Variants in C21orf58 observed in about 807,000 individuals in gnomAD.
C21orf58 encodes chromosome 21 open reading frame 58, also known as uncharacterized protein C21orf58.
C21orf58 carries 34 observed loss-of-function variants against 35.8 expected under a neutral mutation model. The observed-to-expected ratio is 0.95, with a 90% CI of 0.72 to 1.26. C21orf58 has a LOEUF of 1.26. C21orf58 is among the 50% of genes most tolerant of loss of function. The pLI is 0.00. For synonymous variants in C21orf58, 191 were observed against 175.8 expected (o/e 1.09, Z -0.68); for missense variants, 440 against 414.3 (o/e 1.06, Z -0.54).
chr21:46,310,820 T>C (rs1366580686), intron 6 of C21orf58, among the ~76,000 whole-genome samples: 1 of 151,158 alleles, frequency 6.6e-6, no homozygotes, highest in Non-Finnish European at 1.5e-5. Flanking sequence ...TCTCTCTCTC[T>C]AAATAAATAA....
chr21:46,321,046 G>T (rs2083137822), intron 1 of C21orf58, among the ~76,000 whole-genome samples: 1 of 151,944 alleles, frequency 6.6e-6, no homozygotes, highest in African/African-American at 2.4e-5. Context: ...TTTTTAAATA[G>T]GGTTTTTAAG....
At chr21:46,315,419 G>A in intron 4 of C21orf58, 55 bp downstream of exon 4, 1 of 1,098,326 alleles carries the variant, frequency 9.1e-7, no homozygotes, top group Non-Finnish European at 1.4e-6. Flanking sequence ...AGGCTGAGCA[G>A]CTATCTCTGC....
intron 1 of C21orf58, among the ~76,000 whole-genome samples, chr21:46,320,998 A>G (rs768384525): frequency 7.2e-5 from 11 of 152,198 alleles, no homozygotes; most frequent in Admixed American, 2.0e-4. Context: ...AGTAGTATAC[A>G]TAACATGCTC....
At chr21:46,312,480 G>A (rs775308243) in intron 5 of C21orf58, among the ~76,000 whole-genome samples, 6 of 152,106 alleles carry the variant, frequency 3.9e-5, no homozygotes, top group Admixed American at 6.5e-5. Context: ...CACCACGCCC[G>A]GCTAATTTTT....
chr21:46,313,094 A>G, intron 5 of C21orf58: 4 of 978,758 alleles, frequency 4.1e-6, no homozygotes, highest in Non-Finnish European at 4.9e-6. Context: ...GCCAAGAGCT[A>G]CATCGTAAAC....
intron 6 of C21orf58, among the ~76,000 whole-genome samples, chr21:46,305,187 G>C (rs899778166): frequency 6.6e-6 from 1 of 152,130 alleles, no homozygotes; most frequent in Non-Finnish European, 1.5e-5. Flanking sequence ...GACGTAGTCC[G>C]ACGGGTGGAG....
Position 46,318,006 on chromosome 21 carries a change from C to T in C21orf58, c.309+6G>A. 1 of 1,613,122 alleles carries T rather than the reference C, an allele frequency of 6.2e-7. No individual in the cohort carries two copies. The highest frequency in any genetic ancestry group is 8.5e-7 in the Non-Finnish European group (1 of 1,179,880). On this transcript the variant is annotated splice_donor_region_variant and intron_variant, in intron 2 of 7. Coordinates refer to ENST00000291691, the MANE Select transcript of C21orf58 (RefSeq NM_058180.5). ...AAAAACAGGAGCATCCCGGGCTCTG[C>T]CTCACCTGTCCCAAGAGCTTCAGCG...
chr21:46,306,690 T>A (rs1462760892), intron 6 of C21orf58, among the ~76,000 whole-genome samples: 1 of 150,024 alleles, frequency 6.7e-6, no homozygotes, highest in Non-Finnish European at 1.5e-5. Context: ...TGGGTTCAAG[T>A]GATCCTTCCA....
At position 46,314,793 on chromosome 21, in the gene C21orf58, G is replaced by T; in HGVS notation, c.532C>A (p.Leu178Met). The stretch of plus-strand genomic sequence containing the variant: ...GTGGGTAGGATGCCCGTGGGGGGCA[G>T]CTCTGGGGGCAGGGCTGACCCGAGG... The part of the protein sequence containing the change: ...GALGSALPPE[L>M]PPTGILPTAS... The change falls in exon 5 of 8, where the codon CTG (leucine) becomes ATG (methionine). Residue 178 changes from leucine to methionine, a missense_variant. Physicochemically the swap from Leu to Met is conservative, Grantham distance 15. Coordinates refer to ENST00000291691, the MANE Select transcript of C21orf58 (RefSeq NM_058180.5). 1 of 1,538,832 alleles carries T rather than the reference G, an allele frequency of 6.5e-7. No homozygotes were observed. Among genetic ancestry groups the T allele is most frequent in the Non-Finnish European group, 8.8e-7 (1 of 1,138,810 alleles).
chr21:46,301,707 C>A lies in C21orf58; in HGVS notation c.*292G>T, dbSNP rs1018842211. 7 of 1,175,422 alleles carry A rather than the reference C, an allele frequency of 6.0e-6. No homozygotes were observed. The highest frequency in any genetic ancestry group is 7.4e-6 in the Non-Finnish European group (7 of 952,138). 72.8% of individuals were successfully genotyped at this position (1,175,422 alleles called of 1,614,324 possible). A position where few individuals can be genotyped will look rare whatever the true frequency, so the allele number is the denominator to read the frequency against. ...GATCTGAGGCTCCCAGGTGGGCCGG[C>A]GCCGCCCTACAGGAAAGGAGGGGTC... On this transcript the variant is annotated 3_prime_UTR_variant, in exon 8 of 8. Transcript: ENST00000291691.
At chr21:46,317,409 G>A in intron 2 of C21orf58, 141 bp from the exon 3 acceptor site, 1 of 1,443,936 alleles carries the variant, frequency 6.9e-7, no homozygotes, top group Non-Finnish European at 9.3e-7. Context: ...ACAGGCGGGA[G>A]TCAAGCCCCT....
chr21:46,322,831 G>C lies in C21orf58; in HGVS notation c.-93C>G. ...CAGGGCTTCCTGAGGGCGCGTTTAA[G>C]TTGCAGTTGCTGAGGAGGCTGCAAG... On this transcript the variant is annotated 5_prime_UTR_variant, in exon 1 of 8. Coordinates refer to ENST00000291691, the MANE Select transcript of C21orf58 (RefSeq NM_058180.5). 4 of 869,018 alleles carry C rather than the reference G, an allele frequency of 4.6e-6. No homozygotes were observed. Among genetic ancestry groups the C allele is most frequent in the Non-Finnish European group, 4.9e-6 (3 of 609,938 alleles). 53.8% of individuals were successfully genotyped at this position (869,018 alleles called of 1,614,324 possible).
intron 4 of C21orf58, 62 bp from the exon 5 acceptor site, chr21:46,314,942 C>T: frequency 6.5e-7 from 1 of 1,550,262 alleles, no homozygotes; most frequent in Non-Finnish European, 8.7e-7. Context: ...CACAGAGGCA[C>T]CCCCAGCATC....
intron 6 of C21orf58, among the ~76,000 whole-genome samples, chr21:46,310,444 A>G (rs1214541044): frequency 6.6e-6 from 1 of 150,958 alleles, no homozygotes; most frequent in Admixed American, 6.6e-5. Flanking sequence ...GCGCCATTGC[A>G]CTCCTATCTG....
intron 1 of C21orf58, among the ~76,000 whole-genome samples, chr21:46,322,073 G>C (rs2083179237): frequency 6.6e-6 from 1 of 152,024 alleles, no homozygotes; most frequent in South Asian, 2.1e-4. Context: ...TGGATCACTT[G>C]AGCCCAGGAG....
rs770826515 is a variant in C21orf58 at position 46,322,630 on chromosome 21, C to T, written c.100+9G>A. The T allele has an allele frequency of 3.3e-6, 5 of 1,525,526 alleles. No homozygotes were observed. In the Admixed American group the frequency reaches 6.4e-5, roughly 19 times the overall value. 94.5% of individuals were successfully genotyped at this position (1,525,526 alleles called of 1,614,324 possible). The stretch of plus-strand genomic sequence containing the variant: ...TGGGAACCAGGAGACCGCTGGACAC[C>T]CCGCTCACCACACAGAAGACTGTGG... On this transcript the variant is annotated intron_variant, in intron 1 of 7. Transcript: ENST00000291691.
rs780815534 is a variant in C21orf58 at position 46,315,583 on chromosome 21, C to T, written c.371-36G>A. On this transcript the variant is annotated intron_variant, in intron 3 of 7. Coordinates refer to ENST00000291691, the MANE Select transcript of C21orf58 (RefSeq NM_058180.5). ...GAACCTGCTTGCTTACCAAGGAACG[C>T]GTAGAGGCTGTCGCTGCAAGCACTC... 1.2e-5 allele frequency: 17 copies of T among 1,419,096 alleles called. No individual in the cohort carries two copies. In the African/African-American group the frequency reaches 1.7e-4, roughly 14 times the overall value. The allele number at this position is 1,419,096 out of a possible 1,614,324, so 87.9% of individuals were successfully genotyped here.
At chr21:46,302,294 C>T (rs1225501344) in intron 7 of C21orf58, 140 bp from the exon 8 acceptor site, 7 of 1,370,932 alleles carry the variant, frequency 5.1e-6, no homozygotes, top group Non-Finnish European at 6.8e-6. Context: ...GGAGGCTCCT[C>T]CCCCGCCCCA....
intron 1 of C21orf58, chr21:46,318,648 C>T (rs958625192): frequency 7.4e-6 from 8 of 1,080,148 alleles, no homozygotes; most frequent in Admixed American, 4.8e-5. Flanking sequence ...ACTGGGAGGA[C>T]AGGGTGAGGA....
Sources: gnomAD v4.1 joint callset for allele counts (sites outside exome capture counted in the v4.1 genomes callset) on GRCh38, gnomAD v4.1.1 for gene constraint, MANE v1.5 for transcripts, NCBI Gene and HGNC (gene_info 2026-07-23, HGNC 2026-07-21) for gene names.